The following LBP variants were observed in gnomAD, a reference collection of about 807,000 sequenced individuals.
LBP encodes the protein lipopolysaccharide-binding protein.
In LBP, 53 loss-of-function variants were observed where a neutral mutation model predicts 56.6. The ratio of observed to expected loss-of-function variants is 0.94; its 90% CI spans 0.75 to 1.18. LBP has a LOEUF of 1.18. LBP is among the 50% of genes most tolerant of loss of function. The probability of loss-of-function intolerance (pLI) is 0.00; values close to 1 mark genes in which losing one functional copy is unlikely to be tolerated. For synonymous variants in LBP, 227 were observed against 247.5 expected (o/e 0.92, Z 0.78); for missense variants, 601 against 598.3 (o/e 1.00, Z -0.05).
chr20:38,361,735 T>C (rs1479073071), intron 6 of LBP, among the ~76,000 whole-genome samples: 1 of 152,024 alleles, frequency 6.6e-6, no homozygotes, highest in Non-Finnish European at 1.5e-5. Context: ...TTTATTGAAG[T>C]ATATTTATAA....
chr20:38,357,143 C>CCACA (rs1438691612), intron 5 of LBP, among the ~76,000 whole-genome samples: 1 of 152,236 alleles, frequency 6.6e-6, no homozygotes, highest in East Asian at 1.9e-4. Context: ...GCGTAAGCCA[C>CCACA]CACACCCAGC....
chr20:38,349,438 A>G, intron 1 of LBP, 110 bp from the exon 2 acceptor site: 1 of 747,068 alleles, frequency 1.3e-6, no homozygotes, highest in Non-Finnish European at 2.3e-6. Flanking sequence ...ACTTAATGCT[A>G]ATAAGGATGT....
chr20:38,369,108 T>G lies in LBP; in HGVS notation c.1095T>G (p.Asp365Glu). 6.2e-7 allele frequency: 1 copy of G among 1,614,218 alleles called. No homozygotes were observed. Among genetic ancestry groups the G allele is most frequent in the South Asian group, 1.1e-5 (1 of 91,088 alleles). The change falls in exon 10 of 15, where the codon GAT becomes GAG. Residue 365 changes from aspartate to glutamate, a missense_variant. By Grantham distance (45) the Asp-to-Glu change is conservative. Transcript: ENST00000217407. ...CTGTGGACCCCTATATGGAGATAGA[T>G]GCCTTTGTGCTCCTGCCCAGCTCCA... Reference protein sequence around the residue: ...NLSVDPYMEIDAFVLLPSSSK... With the variant: ...NLSVDPYMEIEAFVLLPSSSK...
intron 5 of LBP, 33 bp from the exon 6 acceptor site, chr20:38,360,671 C>G: frequency 6.6e-7 from 1 of 1,518,018 alleles, no homozygotes; most frequent in Non-Finnish European, 9.1e-7. Context: ...AGCTGGGGAA[C>G]TCACTCAGTC....
At position 38,376,640 on chromosome 20, in the gene LBP, GGTGCCAAT is replaced by G. The variant is rs765833643; in HGVS notation, c.1420_1427del (p.Ala474ProfsTer100). On this transcript the variant is annotated frameshift_variant, in exon 15 of 15. Coordinates refer to ENST00000217407, the MANE Select transcript of LBP (RefSeq NM_004139.5). LOFTEE classifies it high-confidence loss of function. ...TTTTTCCTAGGACTTCCTGTTCTTG[GGTGCCAAT>G]GTCCAATACATGAGAGTTTGAGGAC... 5.0e-6 allele frequency: 8 copies of G among 1,613,868 alleles called. No individual in the cohort carries two copies. The highest frequency in any genetic ancestry group is 6.8e-6 in the Non-Finnish European group (8 of 1,179,920).
intron 1 of LBP, 26 bp downstream of exon 1, chr20:38,346,666 A>G (rs2076802469): frequency 6.2e-7 from 1 of 1,612,410 alleles, no homozygotes; most frequent in South Asian, 1.1e-5. Context: ...TGCTGGCTGG[A>G]CTTGGCAAAC....
At chr20:38,366,575 G>T (rs1260042161) in intron 8 of LBP, among the ~76,000 whole-genome samples, 194 bp from the exon 9 acceptor site, 1 of 152,166 alleles carries the variant, frequency 6.6e-6, no homozygotes, top group African/African-American at 2.4e-5. Flanking sequence ...CTGCCCCCCG[G>T]GGAGAGCGGG....
chr20:38,354,261 A>G (rs766442743), intron 3 of LBP, 23 bp from the exon 4 acceptor site: 8 of 1,604,266 alleles, frequency 5.0e-6, no homozygotes, highest in African/African-American at 2.7e-5. Context: ...GGAACTAACC[A>G]TGGCTTCTCT....
chr20:38,364,752 G>A lies in LBP; in HGVS notation c.921G>A (p.Met307Ile). The change falls in exon 8 of 15, where the codon ATG becomes ATA. Residue 307 changes from methionine to isoleucine, a missense_variant and splice_region_variant. Met to Ile is a conservative substitution (Grantham distance 10). Coordinates refer to ENST00000217407, the MANE Select transcript of LBP (RefSeq NM_004139.5). ...GYLNFSITDD[M>I]IPPDSNIRLT... is the part of the protein sequence containing the mutation. ...TGAACTTCTCCATCACAGATGACAT[G>A]GTGAGGATGGTGGCAAACAGGTCTC... The A allele has an allele frequency of 6.2e-7, 1 of 1,602,722 alleles. No homozygotes were observed. The highest frequency in any genetic ancestry group is 8.5e-7 in the Non-Finnish European group (1 of 1,174,042).
intron 4 of LBP, 86 bp downstream of exon 4, chr20:38,354,525 C>G: frequency 2.3e-6 from 3 of 1,297,386 alleles, no homozygotes; most frequent in Non-Finnish European, 3.2e-6. Context: ...CCGATAATTG[C>G]AATGATCCAG....
chr20:38,357,601 C>A (rs1377597079), intron 5 of LBP, among the ~76,000 whole-genome samples: 1 of 152,178 alleles, frequency 6.6e-6, no homozygotes, highest in Non-Finnish European at 1.5e-5. Context: ...GTTCTTGGAT[C>A]TCACGCAAGA....
In LBP at chr20:38,346,495, C is replaced by A. The variant is rs1450165063; in HGVS notation, c.-22C>A. On this transcript the variant is annotated 5_prime_UTR_variant, in exon 1 of 15. Transcript: ENST00000217407. ...CAATCCACAGCTGGGACAGTCCTGG[C>A]CCACTGCACTGGGAATCTAGGATGG... 1 of 1,612,776 alleles carries A rather than the reference C, an allele frequency of 6.2e-7. No individual in the cohort carries two copies. The highest frequency in any genetic ancestry group is 8.5e-7 in the Non-Finnish European group (1 of 1,179,620).
rs1316466187 is a variant in LBP, at chr20:38,362,296, G to A, written c.652+1529G>A. ...AGGATGGTCTTGATCTCCTGACCTC[G>A]TGATCCGCCCGCTCGGCCTCCCAAA... is the stretch of plus-strand genomic sequence containing the variant. On this transcript the variant is annotated intron_variant, in intron 6 of 14. Coordinates refer to ENST00000217407, the MANE Select transcript of LBP (RefSeq NM_004139.5). Among the ~76,000 whole-genome samples, 4 of 146,574 alleles carry A rather than the reference G, an allele frequency of 2.7e-5. No individual in the cohort carries two copies. The East Asian group carries it at 8.5e-4, about 31-fold the overall frequency.
At position 38,364,663 on chromosome 20, in the gene LBP, T is replaced by C. The variant is rs1468125659; in HGVS notation, c.832T>C (p.Tyr278His). The C allele has an allele frequency of 1.2e-6, 2 of 1,614,188 alleles. No homozygotes were observed. Among genetic ancestry groups the C allele is most frequent in the Non-Finnish European group, 1.7e-6 (2 of 1,180,042 alleles). ...SLPEEHNKMV[Y>H]FAISDYVFNT... ...TCCTGAGGAACACAACAAAATGGTC[T>C]ACTTTGCCATCTCGGATTATGTCTT... is the stretch of plus-strand genomic sequence containing the variant. Residue 278 changes from tyrosine to histidine, a missense_variant, in exon 8 of 15, where the codon TAC (tyrosine) becomes CAC (histidine). Tyr to His is a moderately conservative substitution (Grantham distance 83, BLOSUM62 2). Transcript: ENST00000217407.
Position 38,346,560 on chromosome 20 carries a change from T to G in LBP, c.44T>G (p.Leu15Trp), listed in dbSNP as rs2076801855. 1 of 1,613,830 alleles carries G rather than the reference T, an allele frequency of 6.2e-7. No homozygotes were observed. Residue 15 changes from leucine (L) to tryptophan (W), a missense_variant, in exon 1 of 15, where the codon TTG becomes TGG. Physicochemically the swap from Leu to Trp is moderately conservative, Grantham distance 61. Transcript: ENST00000217407. ...GCCCTGCCGTCCATACTGCTGGCAT[T>G]GCTGCTTACGTCCACCCCAGAGGCT... ...ARALPSILLA[L>W]LLTSTPEALG...
At chr20:38,370,901 TTTGG>T in intron 11 of LBP, 96 bp downstream of exon 11, 1 of 1,014,336 alleles carries the variant, frequency 9.9e-7, no homozygotes, top group Admixed American at 1.7e-5. Flanking sequence ...GGGGCCACCA[TTTGG>T]AAAGGACACT....
intron 5 of LBP, among the ~76,000 whole-genome samples, chr20:38,356,446 AC>A (rs2076841073): frequency 4.5e-5 from 5 of 111,518 alleles, no homozygotes; most frequent in Non-Finnish European, 8.8e-5. Context: ...ACACACACAC[AC>A]ACACACACCC....
chr20:38,371,972 T>C (rs796316651), intron 12 of LBP, among the ~76,000 whole-genome samples: 1 of 152,214 alleles, frequency 6.6e-6, no homozygotes, highest in Non-Finnish European at 1.5e-5. Context: ...CCAAAGCACA[T>C]GGACCAAGAC....
At chr20:38,365,234 C>A (rs199515035) in intron 8 of LBP, among the ~76,000 whole-genome samples, 1,166 of 96,280 alleles carry the variant, frequency 0.012, no homozygotes, top group Middle Eastern at 0.019. Flanking sequence ...GACCCTGTCT[C>A]AAAAAAAAAA....
Sources: gnomAD v4.1 joint callset for allele counts (sites outside exome capture counted in the v4.1 genomes callset) on GRCh38, gnomAD v4.1.1 for gene constraint, MANE v1.5 for transcripts, NCBI Gene and HGNC (gene_info 2026-07-23, HGNC 2026-07-21) for gene names.